The following ARHGEF6 variants were observed in gnomAD, a reference collection of about 807,000 sequenced individuals.
ARHGEF6 encodes the protein rho guanine nucleotide exchange factor 6.
ARHGEF6 carries 9 observed loss-of-function variants against 70.3 expected under a neutral mutation model. The ratio of observed to expected loss-of-function variants is 0.13; its 90% confidence interval spans 0.08 to 0.22. The LOEUF is 0.22. ARHGEF6 is among the 10% of genes least tolerant of loss of function. The pLI is 1.00. For synonymous variants in ARHGEF6, 201 were observed against 207.8 expected, an observed-to-expected ratio of 0.97 and a Z score of 0.28; for missense variants, 470 against 563.0, an observed-to-expected ratio of 0.83 and a Z score of 1.67.
chrX:136,682,481 A>G (rs762387828), intron 13 of ARHGEF6, among the ~76,000 whole-genome samples: 27 of 112,296 alleles, frequency 2.4e-4, no homozygotes, highest in Non-Finnish European at 4.5e-4. Flanking sequence ...GGGCCTGTAC[A>G]ATACTGCTGC....
intron 5 of ARHGEF6, among the ~76,000 whole-genome samples, chrX:136,740,393 A>G (rs930219045): frequency 9.0e-6 from 1 of 111,258 alleles, no homozygotes; most frequent in Admixed American, 9.6e-5. Flanking sequence ...AGAGATGCCA[A>G]TTAGGAAGCT....
intron 19 of ARHGEF6, 108 bp from the exon 20 acceptor site, chrX:136,672,227 A>G (rs2076232606): frequency 1.6e-6 from 1 of 637,025 alleles, no homozygotes; most frequent in African/African-American, 2.2e-5. Context: ...GTCTTTGTTC[A>G]TAGCATGTTG....
At chrX:136,676,863 A>G in intron 17 of ARHGEF6, 146 bp from the exon 18 acceptor site, 1 of 486,657 alleles carries the variant, frequency 2.1e-6, no homozygotes. Context: ...TGCACAATTA[A>G]AATGGTTCCA....
intron 9 of ARHGEF6, among the ~76,000 whole-genome samples, chrX:136,702,955 T>C (rs189004182): frequency 5.4e-5 from 6 of 111,673 alleles, no homozygotes; most frequent in Admixed American, 2.9e-4. Context: ...TTCACCAAGA[T>C]AGACCACGTT....
intron 2 of ARHGEF6, among the ~76,000 whole-genome samples, chrX:136,748,946 C>A (rs1345151475): frequency 9.0e-6 from 1 of 111,695 alleles, no homozygotes; most frequent in Non-Finnish European, 1.9e-5. Context: ...CATGCAAATG[C>A]AAACCTACAC....
chrX:136,770,340 T>C (rs956685222), intron 2 of ARHGEF6, among the ~76,000 whole-genome samples: 22 of 112,249 alleles, frequency 2.0e-4, no homozygotes, highest in African/African-American at 6.8e-4. Context: ...GAAAAAGCAT[T>C]TGACAAAATC....
intron 6 of ARHGEF6, among the ~76,000 whole-genome samples, chrX:136,728,955 G>A (rs1471614673): frequency 2.9e-5 from 3 of 105,113 alleles, no homozygotes; most frequent in Non-Finnish European, 5.9e-5. Context: ...AGTAGAGTGT[G>A]GAATTTCTCA....
rs191161226 is a variant in ARHGEF6 at position 136,708,742 on chromosome X, G to A, written c.856C>T (p.Leu286=). 1.2e-4 allele frequency: 141 copies of A among 1,198,602 alleles called. No individual in the cohort carries two copies. The East Asian group carries it at 3.7e-3, about 31-fold the overall frequency. Residue 286 remains leucine, a synonymous_variant, in exon 8 of 22, where the codon CTG becomes TTG. Transcript: ENST00000250617. ...GTGCATACTTCCTCGAAGTTTCCCAGTAAAGATGTAACCTCCACAGTACTC... is the reference window on the plus strand; with the variant it reads ...GTGCATACTTCCTCGAAGTTTCCCAATAAAGATGTAACCTCCACAGTACTC... ...NLSTVEVTSL[L]GNFEEVCTFQ... is the part of the protein sequence containing the mutation.
intron 5 of ARHGEF6, among the ~76,000 whole-genome samples, chrX:136,736,824 G>A (rs183750759): frequency 2.4e-4 from 27 of 111,354 alleles, no homozygotes; most frequent in Non-Finnish European, 4.9e-4. Context: ...AACTTAAAAC[G>A]CCACTCCCCA....
intron 2 of ARHGEF6, among the ~76,000 whole-genome samples, chrX:136,754,939 C>T (rs750543382): frequency 9.0e-6 from 1 of 111,531 alleles, no homozygotes; most frequent in South Asian, 3.8e-4. Context: ...TCCCCAATGC[C>T]CCCACTCCCA....
At chrX:136,711,933 A>T (rs948000508) in intron 7 of ARHGEF6, among the ~76,000 whole-genome samples, 6 of 112,351 alleles carry the variant, frequency 5.3e-5, no homozygotes, top group African/African-American at 1.6e-4. Flanking sequence ...GGAATAGAAA[A>T]TTTTTTCATA....
chrX:136,711,382 GA>G (rs1298296151), intron 7 of ARHGEF6, among the ~76,000 whole-genome samples: 2 of 110,957 alleles, frequency 1.8e-5, no homozygotes, highest in Non-Finnish European at 3.8e-5. Context: ...CTGGCTGTGG[GA>G]TGGGCAAGGC....
chrX:136,668,829 C>T (rs1001925565), intron 21 of ARHGEF6, among the ~76,000 whole-genome samples: 1 of 111,005 alleles, frequency 9.0e-6, no homozygotes, highest in Non-Finnish European at 1.9e-5. Flanking sequence ...TGCAACCAGA[C>T]ACCCTGGGAA....
In ARHGEF6 at chrX:136,747,686, A is replaced by G. The variant is rs2077109640; in HGVS notation, c.250-94T>C. The G allele has an allele frequency of 9.5e-4, 335 of 352,476 alleles. 2 individuals carry two copies. Among genetic ancestry groups the G allele is most frequent in the Non-Finnish European group, 1.1e-3 (227 of 211,505 alleles). 29.0% of individuals were successfully genotyped at this position (352,476 alleles called of 1,213,427 possible). ...AGGCCACTTCCTCCAGCTCTCCGGA[A>G]AAAAAAAAAAAAAAAAAAAGTGTAG... is the stretch of plus-strand genomic sequence containing the variant. On this transcript the variant is annotated intron_variant, in intron 2 of 21. Transcript: ENST00000250617.
At position 136,665,868 on chromosome X, in the gene ARHGEF6, AG is replaced by A. The variant is rs1569380097; in HGVS notation, c.*2160del. The A allele has an allele frequency of 1.8e-5, 2 of 112,632 alleles. No homozygotes were observed. Among genetic ancestry groups the A allele is most frequent in the South Asian group, 3.7e-4 (1 of 2,683 alleles). The allele number at this position is 112,632 out of a possible 1,213,427, so 9.3% of individuals were successfully genotyped here. ...AGAGTACCGAGGGCCCCTCATCAGA[AG>A]GGCCAAGTCCCCGAAACATGCATAT... On this transcript the variant is annotated 3_prime_UTR_variant, in exon 22 of 22. Transcript: ENST00000250617.
chrX:136,671,242 T>C (rs1181860207), intron 20 of ARHGEF6, among the ~76,000 whole-genome samples: 1 of 111,752 alleles, frequency 8.9e-6, no homozygotes, highest in African/African-American at 3.3e-5. Flanking sequence ...GTAGCAGAAG[T>C]GGGAGTTGAA....
chrX:136,667,880 C>T lies in ARHGEF6; in HGVS notation c.*149G>A, dbSNP rs772239037. On this transcript the variant is annotated 3_prime_UTR_variant, in exon 22 of 22. Coordinates refer to ENST00000250617, the MANE Select transcript of ARHGEF6 (RefSeq NM_004840.3). ...TGCACGCACACACATATGCACACAG[C>T]GGGGAGAGAAAGAGAAGAGAGAGGG... 126 of 760,442 alleles carry T rather than the reference C, an allele frequency of 1.7e-4. 1 individual carries two copies. Among genetic ancestry groups the T allele is most frequent in the Admixed American group, 3.0e-4 (12 of 39,594 alleles). The allele number at this position is 760,442 out of a possible 1,213,427, so 62.7% of individuals were successfully genotyped here.
intron 1 of ARHGEF6, among the ~76,000 whole-genome samples, chrX:136,780,195 A>G (rs1261930515): frequency 8.9e-6 from 1 of 112,058 alleles, no homozygotes; most frequent in African/African-American, 3.2e-5. Context: ...TTCGAAACAT[A>G]TATCTGGTTT....
intron 2 of ARHGEF6, among the ~76,000 whole-genome samples, chrX:136,773,636 C>T (rs1473171234): frequency 8.9e-6 from 1 of 112,256 alleles, no homozygotes. Flanking sequence ...ATTGTGTATG[C>T]CTTATGTGCA....
Sources: allele counts gnomAD v4.1 joint callset (sites outside exome capture counted in the v4.1 genomes callset), GRCh38; gene constraint gnomAD v4.1.1; transcripts MANE v1.5; gene names NCBI Gene and HGNC (gene_info 2026-07-23, HGNC 2026-07-21).